The following GTPBP6 variants were observed in gnomAD, a reference collection of about 807,000 sequenced individuals.
GTPBP6 encodes the protein GTP binding protein 6.
A neutral mutation model predicts 28.9 loss-of-function variants in GTPBP6; 33 were observed. That is an observed-to-expected ratio of 1.14 (90% CI 0.87 to 1.53). The LOEUF (loss-of-function observed/expected upper bound fraction) is 1.53. GTPBP6 is among the 40% of genes most tolerant of loss of function. The pLI is 0.00. For missense variants in GTPBP6, 507 were observed against 408.3 expected, an observed-to-expected ratio of 1.24 and a Z score of -2.08; for synonymous variants, 231 against 192.7, an observed-to-expected ratio of 1.20 and a Z score of -1.65.
chrX:312,980 C>G (rs184081458), intron 5 of GTPBP6, 56 bp from the exon 6 acceptor site: 223 of 1,513,120 alleles, frequency 1.5e-4, no homozygotes, highest in Non-Finnish European at 1.9e-4. Context: ...GGCACAAGTG[C>G]GGGCGGTGCC....
chrX:305,664 C>T (rs1401987941), intron 9 of GTPBP6, among the ~76,000 whole-genome samples: 2 of 143,694 alleles, frequency 1.4e-5, no homozygotes, highest in Non-Finnish European at 3.0e-5. Context: ...CTCGCTCTGT[C>T]GCCAGGCTGG....
At chrX:313,968 C>T (rs868163665) in intron 5 of GTPBP6, among the ~76,000 whole-genome samples, 182 bp downstream of exon 5, 15 of 135,022 alleles carry the variant, frequency 1.1e-4, no homozygotes, top group African/African-American at 2.1e-4. Context: ...AGCCCCCAGC[C>T]AGCCCCCACC....
chrX:315,308 A>T lies in GTPBP6; in HGVS notation c.488-9T>A. ...AGACCCTCGGATCTTTTCTAACAGAAAGAGGGGGTCCCGTCAGAGGCTGGC... is the reference window on the plus strand; with the variant it reads ...AGACCCTCGGATCTTTTCTAACAGATAGAGGGGGTCCCGTCAGAGGCTGGC... On this transcript the variant is annotated splice_polypyrimidine_tract_variant and intron_variant, in intron 2 of 9. Coordinates refer to ENST00000326153, the Ensembl canonical transcript of GTPBP6. 2.5e-6 allele frequency: 1 copy of T among 398,516 alleles called. No homozygotes were observed. 24.7% of individuals were successfully genotyped at this position (398,516 alleles called of 1,614,324 possible). A position where few individuals can be genotyped will look rare whatever the true frequency, so the allele number is the denominator to read the frequency against.
intron 4 of GTPBP6, among the ~76,000 whole-genome samples, chrX:314,542 G>C (rs1262838596): frequency 1.3e-5 from 2 of 151,488 alleles, no homozygotes; most frequent in Non-Finnish European, 2.9e-5. Context: ...GCGTGATCTC[G>C]GCTCACTGCA....
chrX:312,872 C>T, exon 6 of GTPBP6: 1 of 1,612,818 alleles, frequency 6.2e-7, no homozygotes, highest in Non-Finnish European at 8.5e-7. Flanking sequence ...CCTTCCTGAT[C>T]TTGGCCTCCT....
intron 7 of GTPBP6, among the ~76,000 whole-genome samples, chrX:309,620 A>AGG: frequency 6.6e-6 from 1 of 152,068 alleles, no homozygotes; most frequent in Admixed American, 6.5e-5. Context: ...AGACACAGAG[A>AGG]AGGCCACGTG....
chrX:309,463 C>T (rs189589047), intron 7 of GTPBP6, among the ~76,000 whole-genome samples: 6 of 131,212 alleles, frequency 4.6e-5, no homozygotes, highest in African/African-American at 1.3e-4. Context: ...GGTATGTTTA[C>T]GACAGAAAGA....
chrX:309,370 C>G (rs2070238048), intron 7 of GTPBP6, among the ~76,000 whole-genome samples: 2 of 152,142 alleles, frequency 1.3e-5, no homozygotes, highest in Admixed American at 6.5e-5. Flanking sequence ...GGGACCCTAC[C>G]CAGAATTAAG....
chrX:317,555 T>TG (rs1443153354), intron 1 of GTPBP6, among the ~76,000 whole-genome samples: 1 of 49,870 alleles, frequency 2.0e-5, no homozygotes, highest in African/African-American at 2.2e-4. Context: ...CATTTCCTCC[T>TG]GGGGGGTGGG....
rs999165437 is a variant in GTPBP6 at position 307,847 on chromosome X, G to A, written c.1159C>T (p.Pro387Ser). ...CTGCATTTCTGGAGCTCCGCCTCGG[G>A]GTGGCTGACGTCCCTCACGTGCAAG... is the stretch of plus-strand genomic sequence containing the variant. Residue 387 changes from proline (P) to serine (S), a missense_variant, in exon 8 of 10, where the codon CCC (proline) becomes TCC (serine). By Grantham distance (74) the Pro-to-Ser change is moderately conservative (BLOSUM62 -1). Coordinates refer to ENST00000326153, the Ensembl canonical transcript of GTPBP6. 5.2e-6 allele frequency: 8 copies of A among 1,542,862 alleles called. No individual in the cohort carries two copies. The African/African-American group carries it at 9.7e-5, about 19-fold the overall frequency.
At position 312,951 on chromosome X, in the gene GTPBP6, G is replaced by A. The variant is rs368792007; in HGVS notation, c.758-27C>T. ...TAAAAGACACCCGAGATGGTGAGGC[G>A]GTGAGCCACGCCGGGAAAGGCACAA... is the stretch of plus-strand genomic sequence containing the variant. On this transcript the variant is annotated intron_variant, in intron 5 of 9. Coordinates refer to ENST00000326153, the Ensembl canonical transcript of GTPBP6. The A allele has an allele frequency of 4.6e-5, 74 of 1,596,752 alleles. No individual in the cohort carries two copies. The East Asian group carries it at 7.6e-4, about 16-fold the overall frequency.
chrX:305,469 A>C (rs28594308), intron 9 of GTPBP6, among the ~76,000 whole-genome samples: 63,347 of 147,302 alleles, frequency 0.43, 13,932 homozygotes, highest in South Asian at 0.57. Flanking sequence ...CTACAGGTGC[A>C]TGCCACCACA....
At position 309,389 on chromosome X, in the gene GTPBP6, G is replaced by A. The variant is rs140850665; in HGVS notation, c.1126-1509C>T. 3.9e-5 allele frequency among the ~76,000 whole-genome samples: 6 copies of A among 152,198 alleles called. 1 individual carries two copies. The South Asian group carries it at 8.3e-4, about 21-fold the overall frequency. Reference sequence around the variant, plus strand: ...CCCTACCCAGAATTAAGATCTCTGCGGATGCAGCTGGTGAAGATGAGGTCA... The same window carrying A: ...CCCTACCCAGAATTAAGATCTCTGCAGATGCAGCTGGTGAAGATGAGGTCA... On this transcript the variant is annotated intron_variant, in intron 7 of 9. Transcript: ENST00000326153.
At chrX:309,750 CTGAAG>C (rs1475833692) in intron 7 of GTPBP6, among the ~76,000 whole-genome samples, 2 of 137,360 alleles carry the variant, frequency 1.5e-5, no homozygotes, top group Non-Finnish European at 1.5e-5. Flanking sequence ...CTGGATCCAA[CTGAAG>C]TGAACTGAAC....
In GTPBP6 at chrX:307,588, C is replaced by T. The variant is rs778787380; in HGVS notation, c.1275-76G>A. 131 of 1,521,576 alleles carry T rather than the reference C, an allele frequency of 8.6e-5. No individual in the cohort carries two copies. The African/African-American group carries it at 1.6e-3, about 18-fold the overall frequency. 94.3% of individuals were successfully genotyped at this position (1,521,576 alleles called of 1,614,324 possible). A position where few individuals can be genotyped will look rare whatever the true frequency, so the allele number is the denominator to read the frequency against. ...CGAAATCAGGGTCCCCAGGAGTCCA[C>T]TGCCCACGGGGCACAGTCTGGGGCC... On this transcript the variant is annotated intron_variant, in intron 8 of 9. Transcript: ENST00000326153.
In GTPBP6 at chrX:311,962, G is replaced by A. The variant is rs924119225; in HGVS notation, c.917-335C>T. 4.3e-5 allele frequency: 24 copies of A among 561,492 alleles called. No homozygotes were observed. In the African/African-American group the frequency reaches 4.3e-4, roughly 10 times the overall value. 34.8% of individuals were successfully genotyped at this position (561,492 alleles called of 1,614,324 possible). A position where few individuals can be genotyped will look rare whatever the true frequency, so the allele number is the denominator to read the frequency against. On this transcript the variant is annotated intron_variant, in intron 6 of 9. Transcript: ENST00000326153. ...GTGGGATGGTGTAGGTGGGGTGGTG[G>A]TGCTGGTGTGGATGGGAGGATGGTG...
chrX:309,798 T>A (rs1216552927), intron 7 of GTPBP6, among the ~76,000 whole-genome samples: 2 of 137,958 alleles, frequency 1.4e-5, no homozygotes, highest in Non-Finnish European at 3.1e-5. Context: ...GTCCATGTAT[T>A]GATCATCTGG....
chrX:310,644 G>A (rs1396910152), intron 7 of GTPBP6, among the ~76,000 whole-genome samples: 2 of 150,952 alleles, frequency 1.3e-5, no homozygotes, highest in East Asian at 3.9e-4. Flanking sequence ...CAGAGGAGAA[G>A]GCCACAGACA....
chrX:311,298 G>T, intron 7 of GTPBP6, 121 bp downstream of exon 7: 2 of 564,104 alleles, frequency 3.5e-6, no homozygotes, highest in Non-Finnish European at 5.9e-6. Flanking sequence ...GTGTCCGAGG[G>T]CCCGGCCCCT....
Sources: gnomAD v4.1 joint callset for allele counts (sites outside exome capture counted in the v4.1 genomes callset) on GRCh38, gnomAD v4.1.1 for gene constraint, MANE v1.5 for transcripts, NCBI Gene and HGNC (gene_info 2026-07-23, HGNC 2026-07-21) for gene names.